GPC5: variants seen among roughly 807,000 people sequenced by gnomAD.
The protein encoded by GPC5 is glypican 5.
GPC5 carries 47 observed loss-of-function variants against 53.9 expected under a neutral mutation model. That is an observed-to-expected ratio of 0.87 (90% CI 0.69 to 1.11). The LOEUF is 1.11. Ranked by LOEUF, GPC5 falls within the 50% of genes most tolerant of loss-of-function variation. The pLI, the probability that GPC5 is intolerant of heterozygous loss-of-function variation, is 0.00. For synonymous variants in GPC5, 286 were observed against 263.3 expected (o/e 1.09, Z -0.84); for missense variants, 748 against 713.1 (o/e 1.05, Z -0.56).
At chr13:92,364,285 A>G (rs2043590917) in intron 7 of GPC5, among the ~76,000 whole-genome samples, 1 of 151,862 alleles carries the variant, frequency 6.6e-6, no homozygotes, top group African/African-American at 2.4e-5. Flanking sequence ...CTAGAAATAC[A>G]CAATGGCAAT....
chr13:91,784,726 G>GGAAAA (rs1555346916), intron 5 of GPC5, among the ~76,000 whole-genome samples: 1 of 143,538 alleles, frequency 7.0e-6, no homozygotes, highest in African/African-American at 2.7e-5. Context: ...CTCCATCTCA[G>GGAAAA]AAAAAAAAAA....
intron 2 of GPC5, among the ~76,000 whole-genome samples, chr13:91,626,340 C>T (rs1319159036): frequency 6.6e-6 from 1 of 152,118 alleles, no homozygotes; most frequent in East Asian, 1.9e-4. Flanking sequence ...TGGCCTGGTC[C>T]TTGCTCAGGC....
chr13:91,689,332 A>G (rs530072309), intron 2 of GPC5, among the ~76,000 whole-genome samples: 144 of 148,378 alleles, frequency 9.7e-4, no homozygotes, highest in African/African-American at 3.4e-3. Context: ...GCTCTAGGTA[A>G]GTCAGTAAGT....
intron 7 of GPC5, among the ~76,000 whole-genome samples, chr13:92,484,902 T>C (rs75438244): frequency 7.1e-6 from 1 of 140,538 alleles, no homozygotes; most frequent in Non-Finnish European, 1.5e-5. Context: ...GCCCGGCTAA[T>C]TTTTTTTGTA....
chr13:92,602,609 A>G (rs1009596225), intron 7 of GPC5, among the ~76,000 whole-genome samples: 1 of 152,154 alleles, frequency 6.6e-6, no homozygotes, highest in Admixed American at 6.5e-5. Flanking sequence ...AGGTTCTTGC[A>G]GACTCTTTCT....
At chr13:92,241,946 T>C (rs1006481600) in intron 7 of GPC5, 6 of 151,974 alleles carry the variant, frequency 3.9e-5, no homozygotes, top group African/African-American at 1.4e-4. Flanking sequence ...AGAAATTAAT[T>C]AAGGGACTGG....
intron 2 of GPC5, among the ~76,000 whole-genome samples, chr13:91,638,606 T>A (rs1163509763): frequency 1.3e-5 from 2 of 152,200 alleles, no homozygotes; most frequent in Non-Finnish European, 2.9e-5. Flanking sequence ...CCTCAAGTGA[T>A]CTGCCCGCCT....
chr13:91,477,819 A>T lies in GPC5; in HGVS notation c.325+28897A>T, dbSNP rs368740228. On this transcript the variant is annotated intron_variant, in intron 2 of 7. Transcript: ENST00000377067. The stretch of plus-strand genomic sequence containing the variant: ...ATGCGGCATAGTCTTTCTATTTAGC[A>T]TTTGAGTTTTTCAATCCAGGCACAA... Among the ~76,000 whole-genome samples the T allele has an allele frequency of 3.4e-4, 52 of 152,318 alleles. No homozygotes were observed. The East Asian group carries it at 8.3e-3, about 24-fold the overall frequency.
chr13:91,977,635 T>C (rs1186304411), intron 6 of GPC5, among the ~76,000 whole-genome samples: 1 of 152,186 alleles, frequency 6.6e-6, no homozygotes, highest in African/African-American at 2.4e-5. Flanking sequence ...AAACCTCCCT[T>C]TTCTTCCTAA....
chr13:92,848,875 AAT>A (rs1187410103), intron 7 of GPC5, among the ~76,000 whole-genome samples: 1 of 152,190 alleles, frequency 6.6e-6, no homozygotes, highest in Non-Finnish European at 1.5e-5. Context: ...GAAACAATGA[AAT>A]ATGGGTTTGA....
chr13:91,510,793 A>T (rs1594188260), intron 2 of GPC5, among the ~76,000 whole-genome samples: 1 of 152,218 alleles, frequency 6.6e-6, no homozygotes, highest in African/African-American at 2.4e-5. Flanking sequence ...ATTAATTAAT[A>T]TTTGTTGCTA....
intron 7 of GPC5, among the ~76,000 whole-genome samples, chr13:92,701,166 TGAC>T (rs1157327181): frequency 3.9e-5 from 6 of 152,146 alleles, no homozygotes; most frequent in Non-Finnish European, 8.8e-5. Context: ...TTAGGACACA[TGAC>T]AACATCTTAA....
At chr13:92,497,432 C>G (rs1307643258) in intron 7 of GPC5, among the ~76,000 whole-genome samples, 1 of 152,110 alleles carries the variant, frequency 6.6e-6, no homozygotes, top group Admixed American at 6.5e-5. Context: ...GGTGTTATTT[C>G]TGAGGTCTCT....
intron 2 of GPC5, among the ~76,000 whole-genome samples, chr13:91,611,505 A>C (rs2033547840): frequency 6.6e-6 from 1 of 152,214 alleles, no homozygotes; most frequent in East Asian, 1.9e-4. Context: ...ATTTTAAAGA[A>C]CCTTCAGCCA....
chr13:92,818,980 C>T (rs531382626), intron 7 of GPC5, among the ~76,000 whole-genome samples: 1 of 151,902 alleles, frequency 6.6e-6, no homozygotes, highest in Non-Finnish European at 1.5e-5. Flanking sequence ...TGGTAACTTG[C>T]TGCTTCCTTC....
intron 2 of GPC5, among the ~76,000 whole-genome samples, chr13:91,628,669 T>C (rs1158244839): frequency 1.3e-5 from 2 of 152,222 alleles, no homozygotes; most frequent in Admixed American, 1.3e-4. Context: ...ATGATAACTT[T>C]TAAGCAGCTG....
chr13:91,598,787 T>A (rs1472728132), intron 2 of GPC5, among the ~76,000 whole-genome samples: 1 of 152,080 alleles, frequency 6.6e-6, no homozygotes, highest in Non-Finnish European at 1.5e-5. Context: ...TAGTGCCCCC[T>A]CCTCATCTAC....
intron 5 of GPC5, among the ~76,000 whole-genome samples, chr13:91,840,813 A>G (rs2038778211): frequency 6.6e-6 from 1 of 151,896 alleles, no homozygotes; most frequent in Non-Finnish European, 1.5e-5. Flanking sequence ...ATCCATTTTA[A>G]ACACTTGGGA....
At chr13:91,734,195 T>G (rs1356330738) in intron 4 of GPC5, among the ~76,000 whole-genome samples, 1 of 151,354 alleles carries the variant, frequency 6.6e-6, no homozygotes, top group Non-Finnish European at 1.5e-5. Context: ...TTGTGGTAGA[T>G]AAGTTTTTCA....
Sources: gnomAD v4.1 joint callset for allele counts (sites outside exome capture counted in the v4.1 genomes callset) on GRCh38, gnomAD v4.1.1 for gene constraint, MANE v1.5 for transcripts, NCBI Gene and HGNC (gene_info 2026-07-23, HGNC 2026-07-21) for gene names.